SDE2: variants seen among roughly 807,000 people sequenced by gnomAD.
SDE2 encodes the protein splicing regulator SDE2.
SDE2 carries 31 observed loss-of-function variants against 46.9 expected under a neutral mutation model. The observed-to-expected ratio is 0.66, with a 90% CI of 0.50 to 0.89. The LOEUF is 0.89. Among genes scored for constraint, SDE2 ranks in the 40% least tolerant of loss-of-function variants. The probability of loss-of-function intolerance (pLI) is 0.00; values close to 1 mark genes in which losing one functional copy is unlikely to be tolerated. For missense variants in SDE2, 542 were observed against 564.4 expected, an observed-to-expected ratio of 0.96 and a Z score of 0.40; for synonymous variants, 205 against 204.3, an observed-to-expected ratio of 1.00 and a Z score of -0.03.
chr1:225,990,507 G>A (rs541018744), intron 5 of SDE2, among the ~76,000 whole-genome samples: 61 of 152,050 alleles, frequency 4.0e-4, no homozygotes, highest in East Asian at 1.2e-3. Flanking sequence ...TTCAAAAGTC[G>A]TAGAACCAAT....
rs914120784 is a variant in SDE2, at chr1:225,991,277, T to C, written c.607A>G (p.Arg203Gly). 5 of 1,613,832 alleles carry C rather than the reference T, an allele frequency of 3.1e-6. No individual in the cohort carries two copies. The African/African-American group carries it at 5.3e-5, about 17-fold the overall frequency. ...RQWPTKSQTDRGASAGKRRCF... is the reference protein window; with the variant it reads ...RQWPTKSQTDGGASAGKRRCF... ...CTCCTCTTTCCCGCACTGGCTCCTCTGTCTGTTTGAGATTTAGTAGGCCAT... is the reference window on the plus strand; with the variant it reads ...CTCCTCTTTCCCGCACTGGCTCCTCCGTCTGTTTGAGATTTAGTAGGCCAT... The change falls in exon 5 of 7, where the codon AGA becomes GGA. Residue 203 changes from arginine (R) to glycine (G), a missense_variant. Arg to Gly is a moderately radical substitution (Grantham distance 125, BLOSUM62 -2). Around this residue, in one of 3 missense-constraint regions of SDE2, gnomAD observed 401 missense variants for 437.8 expected, o/e 0.92. Coordinates refer to ENST00000272091, the MANE Select transcript of SDE2 (RefSeq NM_152608.4).
intron 2 of SDE2, among the ~76,000 whole-genome samples, chr1:225,994,784 T>C (rs1002088459): frequency 6.6e-6 from 1 of 152,258 alleles, no homozygotes; most frequent in African/African-American, 2.4e-5. Flanking sequence ...CCCTAAGAGC[T>C]ATCCAGCTGA....
At chr1:225,996,476 A>G (rs1396721194) in intron 1 of SDE2, among the ~76,000 whole-genome samples, 1 of 152,166 alleles carries the variant, frequency 6.6e-6, no homozygotes, top group Non-Finnish European at 1.5e-5. Flanking sequence ...CTGATCAACA[A>G]AATTGCATTT....
intron 1 of SDE2, among the ~76,000 whole-genome samples, chr1:225,997,496 C>T (rs1288892476): frequency 6.6e-6 from 1 of 152,196 alleles, no homozygotes; most frequent in East Asian, 1.9e-4. Flanking sequence ...ATGGCTCAAT[C>T]TCGGCTCACT....
chr1:225,992,175 G>A (rs552934545), intron 4 of SDE2, among the ~76,000 whole-genome samples: 29 of 151,968 alleles, frequency 1.9e-4, no homozygotes, highest in African/African-American at 6.0e-4. Flanking sequence ...CCAAGACTCC[G>A]TTTTGGGGGG....
rs1656312441 is a variant in SDE2, at chr1:225,988,192, C to T, written c.838G>A (p.Glu280Lys). 2 of 1,614,046 alleles carry T rather than the reference C, an allele frequency of 1.2e-6. No individual in the cohort carries two copies. The highest frequency in any genetic ancestry group is 8.5e-7 in the Non-Finnish European group (1 of 1,180,034). The change falls in exon 6 of 7, where the codon GAA becomes AAA. Residue 280 changes from glutamate to lysine, a missense_variant. Glu to Lys is a moderately conservative substitution (Grantham distance 56). This residue lies in a region of SDE2 where 401 missense variants were observed against 437.8 expected (regional missense o/e 0.92). Coordinates refer to ENST00000272091, the MANE Select transcript of SDE2 (RefSeq NM_152608.4). ...TCAGTCACCGGGATCTGCAGTTGTTCTGGTGATCCATGGTCTGTATTCACT... is the reference window on the plus strand; with the variant it reads ...TCAGTCACCGGGATCTGCAGTTGTTTTGGTGATCCATGGTCTGTATTCACT... ...RVVNTDHGSP[E>K]QLQIPVTDSG...
chr1:225,995,875 T>C (rs946653575), intron 1 of SDE2, among the ~76,000 whole-genome samples: 1 of 152,104 alleles, frequency 6.6e-6, no homozygotes, highest in Non-Finnish European at 1.5e-5. Flanking sequence ...CATAAATACA[T>C]GAAAAATGAG....
In SDE2 at chr1:225,985,322, A is replaced by T. The variant is rs1188267063; in HGVS notation, c.1336T>A (p.Leu446Met). 6.2e-7 allele frequency: 1 copy of T among 1,614,182 alleles called. No homozygotes were observed. Residue 446 changes from leucine to methionine, a missense_variant, in exon 7 of 7, where the codon TTG (leucine) becomes ATG (methionine). By Grantham distance (15) the Leu-to-Met change is conservative (BLOSUM62 2). Transcript: ENST00000272091. ...QIDPALFAKPLKGKKK is the reference protein window; with the variant it reads ...QIDPALFAKPMKGKKK ...GATACTCATTTTTTCTTCCCTTTCAAAGGCTTGGCAAATAAAGCCGGGTCA... is the reference window on the plus strand; with the variant it reads ...GATACTCATTTTTTCTTCCCTTTCATAGGCTTGGCAAATAAAGCCGGGTCA...
At position 225,987,904 on chromosome 1, in the gene SDE2, C is replaced by G. The variant is rs1558083350; in HGVS notation, c.1126G>C (p.Gly376Arg). 1 of 1,611,218 alleles carries G rather than the reference C, an allele frequency of 6.2e-7. No homozygotes were observed. The highest frequency in any genetic ancestry group is 2.2e-5 in the East Asian group (1 of 44,878). The change falls in exon 6 of 7, where the codon GGA (glycine) becomes CGA (arginine). Residue 376 changes from glycine to arginine, a missense_variant. Physicochemically the swap from Gly to Arg is moderately radical, Grantham distance 125. Coordinates refer to ENST00000272091, the MANE Select transcript of SDE2 (RefSeq NM_152608.4). ...AVAKLQESQP[G>R]NAVIDKETID... is the part of the protein sequence containing the mutation. ...CCCCAAAACATACTTACTGCGTTTC[C>G]TGGCTGGCTTTCCTGCAGTTTGGCA...
At position 225,988,373 on chromosome 1, in the gene SDE2, T is replaced by C. The variant is rs774022703; in HGVS notation, c.657A>G (p.Gly219=). The C allele has an allele frequency of 1.6e-5, 26 of 1,613,992 alleles. No individual in the cohort carries two copies. The highest frequency in any genetic ancestry group is 2.1e-5 in the Non-Finnish European group (25 of 1,179,960). ...KRRCFWLGME[G]LETAEGSNSE... is the part of the protein sequence containing the mutation. ...AGTTGGACCCTTCTGCAGTCTCTAG[T>C]CCCTCCATGCCCAACCTGTCAGAAG... Residue 219 remains glycine, a synonymous_variant, in exon 6 of 7, where the codon GGA becomes GGG. Coordinates refer to ENST00000272091, the MANE Select transcript of SDE2 (RefSeq NM_152608.4).
chr1:225,986,747 C>T (rs1656279025), intron 6 of SDE2, among the ~76,000 whole-genome samples: 1 of 152,170 alleles, frequency 6.6e-6, no homozygotes, highest in Non-Finnish European at 1.5e-5. Flanking sequence ...ATACACATAA[C>T]ACAAAAATTA....
At chr1:225,993,061 G>GAATTTGTGAA (rs1656439378) in intron 2 of SDE2, 59 bp from the exon 3 acceptor site, 1 of 764,914 alleles carries the variant, frequency 1.3e-6, no homozygotes, top group African/African-American at 1.8e-5. Flanking sequence ...GATAAAAGCA[G>GAATTTGTGAA]AATTTGTGAA....
At chr1:225,989,418 T>C (rs569729894) in intron 5 of SDE2, among the ~76,000 whole-genome samples, 13 of 150,478 alleles carry the variant, frequency 8.6e-5, no homozygotes, top group South Asian at 2.1e-4. Flanking sequence ...CACTTGAGGT[T>C]AGGAGTTCAA....
chr1:225,987,274 A>T (rs1656289664), intron 6 of SDE2, among the ~76,000 whole-genome samples: 1 of 152,070 alleles, frequency 6.6e-6, no homozygotes, highest in South Asian at 2.1e-4. Flanking sequence ...GCTGGTGTCA[A>T]GCTCCTGACC....
chr1:225,987,570 C>T (rs1274005134), intron 6 of SDE2, among the ~76,000 whole-genome samples: 2 of 152,134 alleles, frequency 1.3e-5, no homozygotes, highest in African/African-American at 4.8e-5. Context: ...TACCCTCATT[C>T]ATGTATTACT....
chr1:225,988,450 GC>G (rs1390906611), intron 5 of SDE2, 62 bp from the exon 6 acceptor site: 1 of 1,561,106 alleles, frequency 6.4e-7, no homozygotes, highest in African/African-American at 1.4e-5. Flanking sequence ...CAAAGAGTTG[GC>G]TGGGCGCAGT....
In SDE2 at chr1:225,983,495, A is replaced by C. The variant is rs762197975; in HGVS notation, c.*1807T>G. ...ATAGAAGATCTGAACAATACTATCAACCACTTAATCTCATCGATATTACAA... is the reference window on the plus strand; with the variant it reads ...ATAGAAGATCTGAACAATACTATCACCCACTTAATCTCATCGATATTACAA... On this transcript the variant is annotated 3_prime_UTR_variant, in exon 7 of 7. Transcript: ENST00000272091. 6.6e-6 allele frequency: 1 copy of C among 152,238 alleles called. No individual in the cohort carries two copies. The highest frequency in any genetic ancestry group is 1.5e-5 in the Non-Finnish European group (1 of 68,042). 9.4% of individuals were successfully genotyped at this position (152,238 alleles called of 1,614,324 possible).
intron 5 of SDE2, among the ~76,000 whole-genome samples, chr1:225,990,000 G>T (rs1455364485): frequency 6.6e-6 from 1 of 151,580 alleles, no homozygotes; most frequent in East Asian, 1.9e-4. Flanking sequence ...GCTTAAACCT[G>T]GGAGGTCAAG....
intron 6 of SDE2, among the ~76,000 whole-genome samples, chr1:225,986,316 C>T (rs970643180): frequency 6.7e-6 from 1 of 148,240 alleles, no homozygotes; most frequent in African/African-American, 2.5e-5. Flanking sequence ...GCCTGAGCAA[C>T]AGAGTGAGAC....
Sources: gnomAD v4.1 joint callset for allele counts (sites outside exome capture counted in the v4.1 genomes callset) on GRCh38, gnomAD v4.1.1 for gene constraint, gnomAD v4.1.1 regional missense constraint, MANE v1.5 for transcripts, NCBI Gene and HGNC (gene_info 2026-07-23, HGNC 2026-07-21) for gene names.